Variants in SDK1 observed in about 807,000 individuals in gnomAD.
The protein encoded by SDK1 is sidekick cell adhesion molecule 1.
A neutral mutation model predicts 245.5 loss-of-function variants in SDK1; 157 were observed. That is an observed-to-expected ratio of 0.64 (90% CI 0.56 to 0.73). The LOEUF (loss-of-function observed/expected upper bound fraction) is 0.73. Among genes scored for constraint, SDK1 ranks in the 30% least tolerant of loss-of-function variants. The probability of loss-of-function intolerance (pLI) is 0.00; values close to 1 mark genes in which losing one functional copy is unlikely to be tolerated. For synonymous variants in SDK1, 1,647 were observed against 1,278.5 expected (o/e 1.29, Z -6.15); for missense variants, 3,583 against 3,002.3 (o/e 1.19, Z -4.52).
In SDK1 at chr7:4,068,777, G is replaced by A. The variant is rs183660715; in HGVS notation, c.3010+841G>A. ...TGCTCTCTCGCCCAGGCTGGAGTGC[G>A]GTGGCGTGATCTCGGCTCACTGCAA... On this transcript the variant is annotated intron_variant, in intron 20 of 44. Transcript: ENST00000404826. 3.5e-3 allele frequency among the ~76,000 whole-genome samples: 529 copies of A among 151,462 alleles called. 5 individuals carry two copies. Among genetic ancestry groups the A allele is most frequent in the South Asian group, 0.034 (165 of 4,804 alleles).
Position 3,973,654 on chromosome 7 carries a change from T to C in SDK1, c.1818-715T>C, listed in dbSNP as rs140010024. ...TTGCCTCCTGTCCAGACAACACTCT[T>C]GTCCTCCAGGAGCATTTACCGGGGC... On this transcript the variant is annotated intron_variant, in intron 12 of 44. Transcript: ENST00000404826. 9.0e-3 allele frequency among the ~76,000 whole-genome samples: 1,372 copies of C among 152,202 alleles called. 7 individuals are homozygous for C. The highest frequency in any genetic ancestry group is 0.011 in the Admixed American group (172 of 15,280).
At chr7:3,927,792 G>T (rs567728933) in intron 5 of SDK1, among the ~76,000 whole-genome samples, 42 of 152,284 alleles carry the variant, frequency 2.8e-4, no homozygotes, top group African/African-American at 9.6e-4. Context: ...ATACTTCTCC[G>T]CAGGAACCTG....
chr7:3,707,585 A>C (rs1449906963), intron 4 of SDK1, among the ~76,000 whole-genome samples: 1 of 152,194 alleles, frequency 6.6e-6, no homozygotes, highest in Admixed American at 6.5e-5. Flanking sequence ...ACAGGAGTTT[A>C]AGTCCATTGT....
Position 3,544,805 on chromosome 7 carries a change from G to A in SDK1, c.299-74275G>A, listed in dbSNP as rs544948716. On this transcript the variant is annotated intron_variant, in intron 1 of 44. Transcript: ENST00000404826. Reference sequence around the variant, plus strand: ...TAAAGCAAGTTTATTTCCTGCTTAGGGTGCACAGTTAGTGTGGGTTGAGTG... The same window carrying A: ...TAAAGCAAGTTTATTTCCTGCTTAGAGTGCACAGTTAGTGTGGGTTGAGTG... Among the ~76,000 whole-genome samples, 5 of 152,256 alleles carry A rather than the reference G, an allele frequency of 3.3e-5. No homozygotes were observed. In the South Asian group the frequency reaches 1.0e-3, roughly 32 times the overall value.
At chr7:3,469,492 G>A (rs1318734874) in intron 1 of SDK1, among the ~76,000 whole-genome samples, 1 of 151,694 alleles carries the variant, frequency 6.6e-6, no homozygotes, top group Non-Finnish European at 1.5e-5. Context: ...ATGAGGTGAT[G>A]TACACTTCTT....
chr7:3,571,098 T>C (rs998578930), intron 1 of SDK1, among the ~76,000 whole-genome samples: 1 of 152,068 alleles, frequency 6.6e-6, no homozygotes, highest in African/African-American at 2.4e-5. Flanking sequence ...AATTTGACTT[T>C]AGTTATGTTA....
intron 5 of SDK1, among the ~76,000 whole-genome samples, chr7:3,864,169 T>G (rs1192547002): frequency 6.6e-6 from 1 of 152,256 alleles, no homozygotes; most frequent in South Asian, 2.1e-4. Context: ...CTGGTCTATT[T>G]TTCATTCACT....
chr7:3,727,627 A>C (rs1179564015), intron 4 of SDK1, among the ~76,000 whole-genome samples: 1 of 151,958 alleles, frequency 6.6e-6, no homozygotes, highest in Admixed American at 6.6e-5. Flanking sequence ...AGTAGCTGGG[A>C]TTATAGGCAC....
chr7:4,210,428 C>T (rs772340341), intron 38 of SDK1, among the ~76,000 whole-genome samples: 7 of 152,168 alleles, frequency 4.6e-5, no homozygotes, highest in African/African-American at 9.7e-5. Context: ...CCTCTGAAGC[C>T]GTGTCATATA....
chr7:3,497,359 T>A lies in SDK1; in HGVS notation c.299-121721T>A, dbSNP rs143446787. On this transcript the variant is annotated intron_variant, in intron 1 of 44. Transcript: ENST00000404826. The stretch of plus-strand genomic sequence containing the variant: ...AGTATTTGTGGGAAATGTCAAGCTA[T>A]GTACTCTTCTTTACCTTTTATTTTC... 2.7e-3 allele frequency among the ~76,000 whole-genome samples: 405 copies of A among 152,360 alleles called. 2 individuals are homozygous for A. Among genetic ancestry groups the A allele is most frequent in the African/African-American group, 9.4e-3 (391 of 41,594 alleles).
chr7:3,760,468 T>C (rs1350623635), intron 4 of SDK1, among the ~76,000 whole-genome samples: 1 of 152,266 alleles, frequency 6.6e-6, no homozygotes, highest in Non-Finnish European at 1.5e-5. Flanking sequence ...GTTATTATTG[T>C]TCATTTTATT....
At chr7:3,432,094 G>C (rs10237328) in intron 1 of SDK1, among the ~76,000 whole-genome samples, 31,349 of 147,330 alleles carry the variant, frequency 0.21, 4,157 homozygotes, top group Middle Eastern at 0.34. Context: ...TTTGTAAACA[G>C]AGCTTTGCAG....
chr7:3,542,999 T>C (rs1236787936), intron 1 of SDK1, among the ~76,000 whole-genome samples: 2 of 152,216 alleles, frequency 1.3e-5, no homozygotes, highest in African/African-American at 2.4e-5. Flanking sequence ...TTTGGGGAGA[T>C]TACACTTTAT....
At chr7:3,574,458 A>G (rs988786717) in intron 1 of SDK1, among the ~76,000 whole-genome samples, 1 of 151,752 alleles carries the variant, frequency 6.6e-6, no homozygotes, top group Admixed American at 6.6e-5. Flanking sequence ...TGCTATTCCT[A>G]CTGTTGTTAA....
intron 40 of SDK1, among the ~76,000 whole-genome samples, chr7:4,232,411 C>CTTTTTT (rs71032930): frequency 1.6e-4 from 16 of 98,772 alleles, no homozygotes; most frequent in East Asian, 6.3e-4. Context: ...TCTTTTCTTT[C>CTTTTTT]TTTTTTTTTT....
At chr7:3,960,819 G>A (rs576081782) in intron 8 of SDK1, among the ~76,000 whole-genome samples, 27 of 152,276 alleles carry the variant, frequency 1.8e-4, no homozygotes, top group African/African-American at 6.3e-4. Context: ...TGGTTGCATT[G>A]TTCTTTCTTG....
intron 1 of SDK1, among the ~76,000 whole-genome samples, chr7:3,467,031 G>C (rs865794552): frequency 7.7e-4 from 85 of 110,936 alleles, no homozygotes; most frequent in African/African-American, 1.1e-3. Flanking sequence ...CACACACACA[G>C]AGATGTAAAA....
rs571232511 is a variant in SDK1, at chr7:3,342,449, G to A, written c.298+40565G>A. On this transcript the variant is annotated intron_variant, in intron 1 of 44. Coordinates refer to ENST00000404826, the MANE Select transcript of SDK1 (RefSeq NM_152744.4). Reference sequence around the variant, plus strand: ...ACTAAAAATACAAAATCAGCCAGGTGTGGTGGCACATGCCTGTAATCCCAG... The same window carrying A: ...ACTAAAAATACAAAATCAGCCAGGTATGGTGGCACATGCCTGTAATCCCAG... 3.2e-3 allele frequency among the ~76,000 whole-genome samples: 494 copies of A among 152,252 alleles called. 3 individuals carry two copies. Among genetic ancestry groups the A allele is most frequent in the African/African-American group, 0.011 (472 of 41,546 alleles).
chr7:3,830,110 C>T (rs1169468117), intron 5 of SDK1, among the ~76,000 whole-genome samples: 1 of 152,130 alleles, frequency 6.6e-6, no homozygotes, highest in African/African-American at 2.4e-5. Flanking sequence ...CTCCCTAATT[C>T]CCAGATATTG....
Sources: allele counts gnomAD v4.1 joint callset (sites outside exome capture counted in the v4.1 genomes callset), GRCh38; gene constraint gnomAD v4.1.1; transcripts MANE v1.5; gene names NCBI Gene and HGNC (gene_info 2026-07-23, HGNC 2026-07-21).